The following CCDC169 variants were observed in gnomAD, a reference collection of about 807,000 sequenced individuals.
CCDC169 encodes coiled-coil domain-containing protein 169.
Under a neutral mutation model 36.0 loss-of-function variants are expected in CCDC169, and 30 were observed. The observed-to-expected ratio is 0.83, with a 90% CI of 0.62 to 1.13. The LOEUF (loss-of-function observed/expected upper bound fraction) is 1.13, where lower values mean the gene tolerates loss of function less well. Ranked by LOEUF, CCDC169 falls within the 50% of genes most tolerant of loss-of-function variation. The pLI is 0.00. For missense variants in CCDC169, 245 were observed against 245.9 expected, an observed-to-expected ratio of 1.00 and a Z score of 0.03; for synonymous variants, 85 against 81.5, an observed-to-expected ratio of 1.04 and a Z score of -0.23.
At chr13:36,281,538 A>G (rs901305783) in intron 4 of CCDC169, among the ~76,000 whole-genome samples, 3 of 152,184 alleles carry the variant, frequency 2.0e-5, no homozygotes, top group Non-Finnish European at 4.4e-5. Context: ...TTTCTAAAAT[A>G]TTAAAATCAC....
At chr13:36,269,107 T>TA (rs71300908) in intron 4 of CCDC169, among the ~76,000 whole-genome samples, 37,459 of 143,300 alleles carry the variant, frequency 0.26, 4,875 homozygotes, top group East Asian at 0.5. Flanking sequence ...CCAACTCAAA[T>TA]AAAAAAAAAA....
chr13:36,248,590 A>C lies in CCDC169; in HGVS notation c.545+16T>G, dbSNP rs1872769761. On this transcript the variant is annotated intron_variant, in intron 7 of 7. Transcript: ENST00000239859. ...AAATGTAACGAATTAGAAAGAAAATATATAGCTAGACTTACGTTTTCACTA... is the reference window on the plus strand; with the variant it reads ...AAATGTAACGAATTAGAAAGAAAATCTATAGCTAGACTTACGTTTTCACTA... 4 of 1,547,020 alleles carry C rather than the reference A, an allele frequency of 2.6e-6. No homozygotes were observed. The South Asian group carries it at 4.8e-5, about 19-fold the overall frequency.
At chr13:36,248,215 A>G (rs1203148550) in intron 7 of CCDC169, among the ~76,000 whole-genome samples, 1 of 152,172 alleles carries the variant, frequency 6.6e-6, no homozygotes, top group Non-Finnish European at 1.5e-5. Context: ...AAGAAACCCC[A>G]AAATTTGTGT....
At chr13:36,248,966 T>A (rs779704927) in intron 6 of CCDC169, among the ~76,000 whole-genome samples, 11 of 152,194 alleles carry the variant, frequency 7.2e-5, no homozygotes, top group Non-Finnish European at 1.2e-4. Context: ...TCATTAAAAC[T>A]TCTTGTAGTA....
intron 7 of CCDC169, among the ~76,000 whole-genome samples, chr13:36,246,616 A>G (rs1872529068): frequency 6.6e-6 from 1 of 152,246 alleles, no homozygotes; most frequent in Non-Finnish European, 1.5e-5. Context: ...TGAAGCAGTA[A>G]GTGCTGATGT....
intron 7 of CCDC169, among the ~76,000 whole-genome samples, chr13:36,240,903 T>C (rs762685166): frequency 6.6e-6 from 1 of 152,148 alleles, no homozygotes; most frequent in Non-Finnish European, 1.5e-5. Context: ...TCCTATTTAA[T>C]CTTAAAGAGA....
downstream of CCDC169, among the ~76,000 whole-genome samples, chr13:36,227,886 A>G (rs1010408487): frequency 2.6e-5 from 4 of 152,164 alleles, no homozygotes; most frequent in Non-Finnish European, 1.5e-5. Flanking sequence ...GGATTTGCCT[A>G]TTTGGGACAT....
At chr13:36,256,327 A>G (rs1388186348) in intron 4 of CCDC169, among the ~76,000 whole-genome samples, 2 of 152,096 alleles carry the variant, frequency 1.3e-5, no homozygotes, top group African/African-American at 4.8e-5. Context: ...GGTTTAACTG[A>G]CTCATGGTTC....
chr13:36,235,974 T>C (rs1187181614), intron 7 of CCDC169, among the ~76,000 whole-genome samples: 2 of 152,032 alleles, frequency 1.3e-5, no homozygotes, highest in Non-Finnish European at 1.5e-5. Context: ...CACTAAAATC[T>C]ATAAAATATC....
chr13:36,251,040 C>T (rs1873084502), intron 6 of CCDC169, among the ~76,000 whole-genome samples: 1 of 152,154 alleles, frequency 6.6e-6, no homozygotes, highest in African/African-American at 2.4e-5. Flanking sequence ...GTCTTTCTGC[C>T]TGACTTTTAA....
rs1281064219 is a variant in CCDC169 at position 36,231,308 on chromosome 13, G to A, written c.546-16C>T. The A allele has an allele frequency of 6.5e-7, 1 of 1,549,676 alleles. No homozygotes were observed. Among genetic ancestry groups the A allele is most frequent in the Non-Finnish European group, 8.7e-7 (1 of 1,146,208 alleles). On this transcript the variant is annotated splice_polypyrimidine_tract_variant and intron_variant, in intron 7 of 7. Transcript: ENST00000239859. ...ATATCTTCCACTGAAATAAATAAGT[G>A]TTAATCATAATTTTTCAGTCACCAT...
chr13:36,291,833 T>A (rs1462136375), intron 2 of CCDC169, among the ~76,000 whole-genome samples: 1 of 152,180 alleles, frequency 6.6e-6, no homozygotes, highest in Non-Finnish European at 1.5e-5. Flanking sequence ...ATTTTTAAAA[T>A]TTTAGCATTT....
At chr13:36,227,521 C>T (rs1170484580), downstream of CCDC169, 20 of 682,336 alleles carry the variant, frequency 2.9e-5, no homozygotes, top group Non-Finnish European at 4.1e-5. Flanking sequence ...TAAATAAAAG[C>T]TCTATACCCA....
At chr13:36,271,234 G>T (rs1876010427) in intron 4 of CCDC169, among the ~76,000 whole-genome samples, 1 of 152,046 alleles carries the variant, frequency 6.6e-6, no homozygotes, top group Admixed American at 6.6e-5. Context: ...TGCAAGAATG[G>T]CTATTAAAAA....
At chr13:36,253,214 A>G (rs190930302) in intron 6 of CCDC169, among the ~76,000 whole-genome samples, 8 of 152,358 alleles carry the variant, frequency 5.3e-5, no homozygotes, top group Admixed American at 5.2e-4. Flanking sequence ...CTTGAATTTC[A>G]TGATAGCCCA....
At chr13:36,242,215 C>A (rs1001796301) in intron 7 of CCDC169, among the ~76,000 whole-genome samples, 1 of 152,214 alleles carries the variant, frequency 6.6e-6, no homozygotes, top group African/African-American at 2.4e-5. Flanking sequence ...TAAATGTATA[C>A]TCCTACTAGC....
At chr13:36,277,245 T>C (rs571426444) in intron 4 of CCDC169, among the ~76,000 whole-genome samples, 5 of 152,096 alleles carry the variant, frequency 3.3e-5, no homozygotes, top group Admixed American at 2.6e-4. Flanking sequence ...TTCTCACTTA[T>C]AAGTGGGGCC....
chr13:36,249,890 G>A (rs917684848), intron 6 of CCDC169, among the ~76,000 whole-genome samples: 1 of 152,134 alleles, frequency 6.6e-6, no homozygotes, highest in African/African-American at 2.4e-5. Flanking sequence ...TTGGGTGTGA[G>A]CTAAGATATT....
At position 36,231,034 on chromosome 13, in the gene CCDC169, C is replaced by A; in HGVS notation, c.*159G>T. The A allele has an allele frequency of 7.1e-7, 1 of 1,403,408 alleles. No homozygotes were observed. The highest frequency in any genetic ancestry group is 9.2e-7 in the Non-Finnish European group (1 of 1,082,734). The allele number at this position is 1,403,408 out of a possible 1,614,324, so 86.9% of individuals were successfully genotyped here. On this transcript the variant is annotated 3_prime_UTR_variant, in exon 8 of 8. Transcript: ENST00000239859. Reference sequence around the variant, plus strand: ...GTCACTGGAGAAAATTACTTTTATGCAGACAAAGGAACACACGTCTGGAAA... The same window carrying A: ...GTCACTGGAGAAAATTACTTTTATGAAGACAAAGGAACACACGTCTGGAAA...
Sources: allele counts gnomAD v4.1 joint callset (sites outside exome capture counted in the v4.1 genomes callset), GRCh38; gene constraint gnomAD v4.1.1; transcripts MANE v1.5; gene names NCBI Gene and HGNC (gene_info 2026-07-23, HGNC 2026-07-21).